The following TMEM181 variants were observed in gnomAD, a reference collection of about 807,000 sequenced individuals.
The protein encoded by TMEM181 is G protein-coupled receptor 178.
TMEM181 carries 39 observed loss-of-function variants against 71.9 expected under a neutral mutation model. The observed-to-expected ratio is 0.54, with a 90% confidence interval of 0.42 to 0.71. The LOEUF (loss-of-function observed/expected upper bound fraction) is 0.71, where lower values mean the gene tolerates loss of function less well. Ranked by LOEUF, TMEM181 falls within the 30% of genes least tolerant of loss-of-function variation. The pLI, the probability that TMEM181 is intolerant of heterozygous loss-of-function variation, is 0.00. For missense variants in TMEM181, 595 were observed against 583.0 expected (o/e 1.02, Z -0.21); for synonymous variants, 245 against 228.8 (o/e 1.07, Z -0.64).
chr6:158,609,913 T>C (rs910653435), intron 10 of TMEM181: 1 of 232,976 alleles, frequency 4.3e-6, no homozygotes, highest in African/African-American at 2.3e-5. Flanking sequence ...GCCTCAGCAC[T>C]TCCCGGGCTT....
chr6:158,628,929 T>TC (rs1006211373), intron 14 of TMEM181, among the ~76,000 whole-genome samples: 4 of 152,026 alleles, frequency 2.6e-5, no homozygotes, highest in African/African-American at 9.7e-5. Context: ...GCCTCCTGTC[T>TC]CCCCCCGGGA....
rs182637529 is a variant in TMEM181, at chr6:158,563,066, C to T, written c.8+2834C>T. The stretch of plus-strand genomic sequence containing the variant: ...CATGGTTACTTGGCAAGGGTTTTCA[C>T]GTCACAACGGATTTAATTGCCACAG... On this transcript the variant is annotated intron_variant, in intron 1 of 16. Coordinates refer to ENST00000684151, the MANE Select transcript of TMEM181 (RefSeq NM_001376852.1). Among the ~76,000 whole-genome samples the T allele has an allele frequency of 1.9e-3, 284 of 152,346 alleles. 2 individuals carry two copies. The highest frequency in any genetic ancestry group is 2.6e-3 in the Non-Finnish European group (176 of 68,040).
chr6:158,607,192 G>T, intron 7 of TMEM181, 52 bp from the exon 8 acceptor site: 2 of 1,464,944 alleles, frequency 1.4e-6, no homozygotes, highest in South Asian at 1.1e-5. Flanking sequence ...AGCAAAGGCT[G>T]CAGGCAAGGT....
At chr6:158,624,162 C>A (rs370207967) in intron 11 of TMEM181, among the ~76,000 whole-genome samples, 1 of 152,212 alleles carries the variant, frequency 6.6e-6, no homozygotes, top group Non-Finnish European at 1.5e-5. Flanking sequence ...GCTCTTCCTT[C>A]CCAGTCAGGT....
chr6:158,544,797 T>C (rs959366320), intron 1 of TMEM181, among the ~76,000 whole-genome samples: 7 of 152,194 alleles, frequency 4.6e-5, no homozygotes, highest in Non-Finnish European at 8.8e-5. Context: ...CCTCCTGCTC[T>C]TTTTATAACA....
intron 10 of TMEM181, among the ~76,000 whole-genome samples, chr6:158,617,338 AT>A (rs1785675293): frequency 2.0e-5 from 3 of 151,968 alleles, no homozygotes; most frequent in Non-Finnish European, 4.4e-5. Flanking sequence ...TATCCCCTTC[AT>A]CATTTTTTAT....
intron 1 of TMEM181, among the ~76,000 whole-genome samples, chr6:158,571,587 C>G (rs143162441): frequency 2.0e-5 from 3 of 152,006 alleles, no homozygotes; most frequent in Admixed American, 2.0e-4. Context: ...CATGAGCCAC[C>G]GCGCCCGGCC....
intron 1 of TMEM181, among the ~76,000 whole-genome samples, chr6:158,567,553 C>G (rs1782580161): frequency 6.6e-6 from 1 of 152,188 alleles, no homozygotes; most frequent in African/African-American, 2.4e-5. Context: ...TGGGACACAG[C>G]TGAACCCTGG....
chr6:158,601,152 T>C (rs1562300171), intron 6 of TMEM181, among the ~76,000 whole-genome samples: 1 of 152,228 alleles, frequency 6.6e-6, no homozygotes, highest in Non-Finnish European at 1.5e-5. Flanking sequence ...ATAATCATAA[T>C]AGTTATGTGA....
At chr6:158,561,143 G>GT (rs1782150619) in intron 1 of TMEM181, among the ~76,000 whole-genome samples, 2 of 152,322 alleles carry the variant, frequency 1.3e-5, no homozygotes, top group East Asian at 3.9e-4. Context: ...AGGCAGAAGG[G>GT]TTTTGCTTTG....
intron 1 of TMEM181, among the ~76,000 whole-genome samples, chr6:158,563,658 G>C (rs1197241835): frequency 6.6e-6 from 1 of 152,252 alleles, no homozygotes; most frequent in Non-Finnish European, 1.5e-5. Flanking sequence ...GATATTTGCT[G>C]AACTGACCAA....
At chr6:158,596,546 GT>G (rs1784399357) in intron 6 of TMEM181, among the ~76,000 whole-genome samples, 1 of 152,148 alleles carries the variant, frequency 6.6e-6, no homozygotes, top group South Asian at 2.1e-4. Context: ...TGGTGCCACT[GT>G]TTGTTTCACT....
intron 1 of TMEM181, among the ~76,000 whole-genome samples, chr6:158,543,042 AT>A (rs557602403): frequency 1.9e-3 from 294 of 151,222 alleles, no homozygotes; most frequent in African/African-American, 6.2e-3. Flanking sequence ...CGCCTGGCTA[AT>A]TTTTTGTATT....
At chr6:158,589,510 A>T in intron 5 of TMEM181, 162 bp from the exon 6 acceptor site, 1 of 601,924 alleles carries the variant, frequency 1.7e-6, no homozygotes, top group South Asian at 2.0e-5. Flanking sequence ...TCTTTCTAGG[A>T]ACTGTGTTTG....
rs532838377 is a variant in TMEM181, at chr6:158,582,689, C to T, written c.169-1265C>T. Among the ~76,000 whole-genome samples, 10 of 151,756 alleles carry T rather than the reference C, an allele frequency of 6.6e-5. No homozygotes were observed. The South Asian group carries it at 1.5e-3, about 22-fold the overall frequency. ...TTAAAAAAGAAAAAAAAAGAAAAAA[C>T]CCATTCACCTCCAAAGACGATGCAT... On this transcript the variant is annotated intron_variant, in intron 3 of 16. Transcript: ENST00000684151.
chr6:158,621,884 C>T (rs1292824494), intron 10 of TMEM181, among the ~76,000 whole-genome samples: 1 of 152,246 alleles, frequency 6.6e-6, no homozygotes, highest in Non-Finnish European at 1.5e-5. Context: ...GCTGTCAAAG[C>T]GCTTCCGAAG....
chr6:158,605,006 C>G (rs750301926), intron 6 of TMEM181, among the ~76,000 whole-genome samples: 19 of 151,538 alleles, frequency 1.3e-4, no homozygotes, highest in Non-Finnish European at 2.5e-4. Flanking sequence ...CCCAGCTACT[C>G]AGGAGGCTGA....
chr6:158,541,675 G>A (rs1052885782), intron 1 of TMEM181, among the ~76,000 whole-genome samples: 1 of 152,160 alleles, frequency 6.6e-6, no homozygotes, highest in African/African-American at 2.4e-5. Flanking sequence ...GTTACATTCA[G>A]GTTTAAAGGT....
intron 6 of TMEM181, among the ~76,000 whole-genome samples, chr6:158,601,117 G>A (rs1245966864): frequency 6.6e-6 from 1 of 152,010 alleles, no homozygotes; most frequent in African/African-American, 2.4e-5. Context: ...ATGATATAAT[G>A]TTATAAAATT....
Sources: allele counts gnomAD v4.1 joint callset (sites outside exome capture counted in the v4.1 genomes callset), GRCh38; gene constraint gnomAD v4.1.1; transcripts MANE v1.5; gene names NCBI Gene and HGNC (gene_info 2026-07-23, HGNC 2026-07-21).